The following PLCE1 variants were observed in gnomAD, a reference collection of about 807,000 sequenced individuals.
PLCE1 encodes the protein 1-phosphatidylinositol 4,5-bisphosphate phosphodiesterase epsilon-1.
Under a neutral mutation model 242.8 loss-of-function variants are expected in PLCE1, and 119 were observed. The ratio of observed to expected loss-of-function variants is 0.49; its 90% confidence interval spans 0.42 to 0.57. The LOEUF is 0.57. Among genes scored for constraint, PLCE1 ranks in the 20% least tolerant of loss-of-function variants. PLCE1 has a pLI of 0.00. For synonymous variants in PLCE1, 945 were observed against 1,017.4 expected (o/e 0.93, Z 1.35); for missense variants, 2,441 against 2,788.8 (o/e 0.88, Z 2.81).
chr10:94,041,200 C>T lies in PLCE1; in HGVS notation c.1206+8948C>T, dbSNP rs943563328. ...AGGCCAGAGTTTCTGACAGTCAGTG[C>T]TCAATATGTATTTCTCGAATGACTC... On this transcript the variant is annotated intron_variant, in intron 2 of 32. Transcript: ENST00000371380. Among the ~76,000 whole-genome samples, 24 of 152,046 alleles carry T rather than the reference C, an allele frequency of 1.6e-4. No homozygotes were observed. The East Asian group carries it at 2.5e-3, about 16-fold the overall frequency.
intron 4 of PLCE1, among the ~76,000 whole-genome samples, chr10:94,207,714 T>C (rs186844565): frequency 1.1e-4 from 16 of 152,202 alleles, no homozygotes; most frequent in African/African-American, 3.9e-4. Context: ...ATGCCATGGC[T>C]GGGGAAGGGA....
intron 9 of PLCE1, 120 bp downstream of exon 9, chr10:94,252,618 A>T (rs2050919324): frequency 1.2e-6 from 1 of 855,104 alleles, no homozygotes; most frequent in African/African-American, 1.7e-5. Context: ...ATAAAATAGA[A>T]GATACAAGGG....
chr10:94,066,977 T>G (rs1287283625), intron 2 of PLCE1, among the ~76,000 whole-genome samples: 1 of 152,228 alleles, frequency 6.6e-6, no homozygotes, highest in Non-Finnish European at 1.5e-5. Flanking sequence ...CCAGGGGGAA[T>G]TGAGGTTACA....
At chr10:94,267,230 A>G (rs1240502979) in intron 16 of PLCE1, among the ~76,000 whole-genome samples, 1 of 152,238 alleles carries the variant, frequency 6.6e-6, no homozygotes, top group Non-Finnish European at 1.5e-5. Context: ...ATGTATATTT[A>G]TGTACTTGTG....
At chr10:94,058,071 C>T (rs1002850821) in intron 2 of PLCE1, among the ~76,000 whole-genome samples, 1 of 152,092 alleles carries the variant, frequency 6.6e-6, no homozygotes, top group Non-Finnish European at 1.5e-5. Context: ...GCTATGTGGC[C>T]ATCTTTTTAC....
chr10:94,303,512 A>AT (rs914660130), intron 24 of PLCE1, among the ~76,000 whole-genome samples: 17 of 151,980 alleles, frequency 1.1e-4, no homozygotes, highest in Admixed American at 1.0e-3. Flanking sequence ...AGATGTGATT[A>AT]TTTTTTTTCT....
At position 94,031,079 on chromosome 10, in the gene PLCE1, C is replaced by T. The variant is rs2061548038; in HGVS notation, c.33C>T (p.Leu11=). Residue 11 remains leucine (L), a synonymous_variant, in exon 2 of 33, where the codon CTC becomes CTT. Coordinates refer to ENST00000371380, the MANE Select transcript of PLCE1 (RefSeq NM_016341.4). The part of the protein sequence containing the change: MTSEEMTASV[L]IPVTQRKVVS... Reference sequence around the variant, plus strand: ...CTGAAGAAATGACAGCTTCTGTTCTCATACCTGTGACTCAGAGAAAAGTGG... The same window carrying T: ...CTGAAGAAATGACAGCTTCTGTTCTTATACCTGTGACTCAGAGAAAAGTGG... The T allele has an allele frequency of 1.2e-6, 2 of 1,613,548 alleles. No individual in the cohort carries two copies. The highest frequency in any genetic ancestry group is 1.6e-4 in the Middle Eastern group (1 of 6,078).
At chr10:94,040,627 CT>C (rs1013072354) in intron 2 of PLCE1, among the ~76,000 whole-genome samples, 12 of 152,136 alleles carry the variant, frequency 7.9e-5, no homozygotes, top group Admixed American at 6.5e-4. Context: ...TGAGTGCCTC[CT>C]TAAATTGTGA....
chr10:94,212,019 C>T (rs2049348477), intron 4 of PLCE1, among the ~76,000 whole-genome samples: 1 of 152,212 alleles, frequency 6.6e-6, no homozygotes, highest in Admixed American at 6.5e-5. Flanking sequence ...TTAGCTGCTT[C>T]TTAAAGGTTT....
At chr10:94,233,803 C>G (rs577016878) in intron 5 of PLCE1, among the ~76,000 whole-genome samples, 76 of 151,916 alleles carry the variant, frequency 5.0e-4, no homozygotes, top group Non-Finnish European at 9.9e-4. Flanking sequence ...TAAAAATTAG[C>G]CAGGCATAGT....
chr10:94,089,361 G>T (rs1401642897), intron 2 of PLCE1: 2 of 1,604,198 alleles, frequency 1.2e-6, no homozygotes, highest in Non-Finnish European at 1.7e-6. Context: ...GATGCTGGAG[G>T]CTTAAAGAAG....
chr10:94,196,290 T>C (rs1045066819), intron 4 of PLCE1, among the ~76,000 whole-genome samples: 2 of 152,188 alleles, frequency 1.3e-5, no homozygotes, highest in Non-Finnish European at 2.9e-5. Context: ...GCTGTTGCTC[T>C]ATCCTATGTA....
chr10:93,995,119 C>A (rs2060796159), intron 1 of PLCE1, among the ~76,000 whole-genome samples: 1 of 152,162 alleles, frequency 6.6e-6, no homozygotes, highest in Non-Finnish European at 1.5e-5. Context: ...GAATGCTTGA[C>A]CCCACTAGGG....
intron 2 of PLCE1, chr10:94,082,289 G>T (rs1340645541): frequency 6.6e-6 from 1 of 152,326 alleles, no homozygotes; most frequent in Admixed American, 6.5e-5. Flanking sequence ...TATTGCCTTA[G>T]TGTCATTGGC....
At chr10:94,290,476 A>G (rs889474212) in intron 22 of PLCE1, among the ~76,000 whole-genome samples, 1 of 110,600 alleles carries the variant, frequency 9.0e-6, no homozygotes, top group Non-Finnish European at 1.9e-5. Flanking sequence ...TTAAAAACAG[A>G]TACAAGCACC....
chr10:94,031,967 T>G lies in PLCE1; in HGVS notation c.921T>G (p.Cys307Trp). The part of the protein sequence containing the change: ...LSHFEDFPDN[C>W]DDVEEDAFKS... ...ATTTTGAGGACTTCCCTGATAATTG[T>G]GATGATGTAGAAGAAGACGCTTTTA... Residue 307 changes from cysteine to tryptophan, a missense_variant, in exon 2 of 33, where the codon TGT (cysteine) becomes TGG (tryptophan). Cys to Trp is a radical substitution (Grantham distance 215). Transcript: ENST00000371380. The G allele has an allele frequency of 2.5e-6, 4 of 1,613,756 alleles. No individual in the cohort carries two copies. The highest frequency in any genetic ancestry group is 2.5e-6 in the Non-Finnish European group (3 of 1,179,768).
intron 2 of PLCE1, among the ~76,000 whole-genome samples, chr10:94,084,167 T>C (rs917461959): frequency 2.0e-5 from 3 of 152,222 alleles, no homozygotes; most frequent in African/African-American, 4.8e-5. Context: ...AATGGCTCTG[T>C]GCAGCCAAGC....
intron 4 of PLCE1, among the ~76,000 whole-genome samples, chr10:94,190,991 A>T (rs897403414): frequency 2.6e-5 from 4 of 152,228 alleles, no homozygotes; most frequent in Admixed American, 2.0e-4. Context: ...GACATGGCAG[A>T]TCATAAAAGG....
intron 3 of PLCE1, among the ~76,000 whole-genome samples, chr10:94,167,206 G>T (rs947847538): frequency 6.6e-6 from 1 of 152,072 alleles, no homozygotes; most frequent in Non-Finnish European, 1.5e-5. Flanking sequence ...CCGGAGAATC[G>T]CTTGAACCCG....
Sources: allele counts gnomAD v4.1 joint callset (sites outside exome capture counted in the v4.1 genomes callset), GRCh38; gene constraint gnomAD v4.1.1; transcripts MANE v1.5; gene names NCBI Gene and HGNC (gene_info 2026-07-23, HGNC 2026-07-21).